Variants in CSMD1 observed in about 807,000 individuals in gnomAD.
CSMD1 encodes the protein CUB and Sushi multiple domains 1.
A neutral mutation model predicts 417.5 loss-of-function variants in CSMD1; 213 were observed. The ratio of observed to expected loss-of-function variants is 0.51; its 90% CI spans 0.46 to 0.57. The LOEUF is 0.57. CSMD1 is among the 20% of genes least tolerant of loss of function. The pLI is 0.00. For synonymous variants in CSMD1, 2,862 were observed against 1,736.8 expected (o/e 1.65, Z -16.11); for missense variants, 6,923 against 4,529.7 (o/e 1.53, Z -15.17).
At chr8:4,154,394 A>G (rs534421728) in intron 3 of CSMD1, among the ~76,000 whole-genome samples, 22 of 152,338 alleles carry the variant, frequency 1.4e-4, no homozygotes, top group African/African-American at 4.8e-4. Context: ...AATCTATTGT[A>G]TAAGTATAGA....
intron 3 of CSMD1, among the ~76,000 whole-genome samples, chr8:4,369,539 T>TATTG (rs1408963748): frequency 6.6e-6 from 1 of 152,204 alleles, no homozygotes; most frequent in Non-Finnish European, 1.5e-5. Context: ...GTCAGTGCAG[T>TATTG]ATTGAAGTCT....
chr8:3,884,514 T>C (rs981339855), intron 5 of CSMD1, among the ~76,000 whole-genome samples: 1 of 152,118 alleles, frequency 6.6e-6, no homozygotes, highest in Non-Finnish European at 1.5e-5. Context: ...TTCTCCTCCT[T>C]CGGGGTCCCA....
chr8:3,977,966 G>C (rs1214035055), intron 5 of CSMD1, among the ~76,000 whole-genome samples: 2 of 152,168 alleles, frequency 1.3e-5, no homozygotes, highest in South Asian at 4.1e-4. Context: ...CCTTTTACGT[G>C]TCCATCTACT....
In CSMD1 at chr8:3,213,700, T is replaced by C. The variant is rs946969456; in HGVS notation, c.4867+797A>G. Among the ~76,000 whole-genome samples the C allele has an allele frequency of 2.7e-5, 4 of 150,900 alleles. No homozygotes were observed. In the Admixed American group the frequency reaches 2.7e-4, roughly 10 times the overall value. ...ATATGTGTGTGTGTATGTATATATA[T>C]AAAAATATATGTACATTAAAATATA... On this transcript the variant is annotated intron_variant, in intron 30 of 69. Coordinates refer to ENST00000635120, the MANE Select transcript of CSMD1 (RefSeq NM_033225.6).
intron 3 of CSMD1, among the ~76,000 whole-genome samples, chr8:4,292,470 T>C (rs977664216): frequency 6.6e-6 from 1 of 152,074 alleles, no homozygotes; most frequent in Non-Finnish European, 1.5e-5. Flanking sequence ...GTCAGAATGG[T>C]CTCGATCTGC....
intron 54 of CSMD1, among the ~76,000 whole-genome samples, chr8:2,980,024 C>T (rs1010469469): frequency 2.0e-5 from 3 of 152,300 alleles, no homozygotes; most frequent in Non-Finnish European, 4.4e-5. Flanking sequence ...CACATCGTCC[C>T]ATTCTTACAT....
intron 2 of CSMD1, among the ~76,000 whole-genome samples, chr8:4,591,206 T>C (rs1329314366): frequency 2.0e-5 from 3 of 152,158 alleles, no homozygotes; most frequent in South Asian, 2.1e-4. Flanking sequence ...TGAGTAAAGA[T>C]GAAGATGAAA....
At chr8:3,159,783 GGCCTGTGT>G (rs1373419939) in intron 38 of CSMD1, among the ~76,000 whole-genome samples, 3 of 152,184 alleles carry the variant, frequency 2.0e-5, no homozygotes, top group Non-Finnish European at 4.4e-5. Context: ...TGCATCCACA[GGCCTGTGT>G]CCCTAAGCAG....
intron 5 of CSMD1, among the ~76,000 whole-genome samples, chr8:3,883,911 T>A (rs1277956356): frequency 6.6e-6 from 1 of 152,098 alleles, no homozygotes; most frequent in Non-Finnish European, 1.5e-5. Flanking sequence ...ATTAAATATA[T>A]GTTAAAATAT....
At chr8:3,964,867 T>G (rs941722389) in intron 5 of CSMD1, among the ~76,000 whole-genome samples, 1 of 152,202 alleles carries the variant, frequency 6.6e-6, no homozygotes, top group Non-Finnish European at 1.5e-5. Context: ...TTTGAAAAAG[T>G]GTGATTGCAT....
At chr8:4,198,560 G>A (rs776847941) in intron 3 of CSMD1, among the ~76,000 whole-genome samples, 1 of 152,120 alleles carries the variant, frequency 6.6e-6, no homozygotes, top group South Asian at 2.1e-4. Flanking sequence ...ACACTTTCAG[G>A]AACGTGCACA....
At chr8:4,268,549 T>G (rs1249817041) in intron 3 of CSMD1, among the ~76,000 whole-genome samples, 2 of 152,164 alleles carry the variant, frequency 1.3e-5, no homozygotes, top group African/African-American at 4.8e-5. Context: ...TTATTTCACT[T>G]ACTTGAAAGA....
In CSMD1 at chr8:4,444,257, G is replaced by C. The variant is rs80147337; in HGVS notation, c.303-24192C>G. Among the ~76,000 whole-genome samples the C allele has an allele frequency of 5.0e-3, 719 of 144,526 alleles. 7 individuals are homozygous for C. The highest frequency in any genetic ancestry group is 0.017 in the African/African-American group (676 of 39,916). The allele number at this position is 144,526 out of a possible 152,430, so 94.8% of individuals were successfully genotyped here. On this transcript the variant is annotated intron_variant, in intron 2 of 69. Coordinates refer to ENST00000635120, the MANE Select transcript of CSMD1 (RefSeq NM_033225.6). ...CTCGGGAGGCTGAGGCAGGAGAATT[G>C]CTTGAACCTGGGCTGGGAGGTGGAC...
At chr8:3,380,643 A>G (rs1212867413) in intron 18 of CSMD1, among the ~76,000 whole-genome samples, 1 of 152,188 alleles carries the variant, frequency 6.6e-6, no homozygotes. Flanking sequence ...ATAGGAATAC[A>G]AAACCAAACA....
intron 2 of CSMD1, among the ~76,000 whole-genome samples, chr8:4,421,687 G>C (rs993598788): frequency 1.3e-5 from 2 of 151,996 alleles, no homozygotes; most frequent in African/African-American, 4.8e-5. Context: ...CAGCTAAGCA[G>C]TGCTGAGAAG....
intron 7 of CSMD1, among the ~76,000 whole-genome samples, chr8:3,686,108 T>C (rs1001600148): frequency 4.6e-5 from 7 of 151,468 alleles, no homozygotes; most frequent in Non-Finnish European, 4.4e-5. Context: ...CAGTTTTCTA[T>C]GTTTATCAAA....
intron 28 of CSMD1, among the ~76,000 whole-genome samples, chr8:3,221,374 G>A (rs1798203030): frequency 6.6e-6 from 1 of 152,216 alleles, no homozygotes; most frequent in Non-Finnish European, 1.5e-5. Flanking sequence ...CAGGAATGGT[G>A]TGGGTTACGT....
intron 41 of CSMD1, among the ~76,000 whole-genome samples, chr8:3,123,829 A>ACACACATTT (rs1019825394): frequency 6.6e-6 from 1 of 152,196 alleles, no homozygotes; most frequent in African/African-American, 2.4e-5. Context: ...ACAGAGACAC[A>ACACACATTT]CACACATTTA....
chr8:4,013,684 T>G (rs1238486415), intron 4 of CSMD1, among the ~76,000 whole-genome samples: 1 of 152,246 alleles, frequency 6.6e-6, no homozygotes, highest in African/African-American at 2.4e-5. Context: ...GAATTCTTTC[T>G]TGTTTTGTTC....
Sources: allele counts gnomAD v4.1 joint callset (sites outside exome capture counted in the v4.1 genomes callset), GRCh38; gene constraint gnomAD v4.1.1; transcripts MANE v1.5; gene names NCBI Gene and HGNC (gene_info 2026-07-23, HGNC 2026-07-21).